DCHS1: variants seen among roughly 807,000 people sequenced by gnomAD.
The protein encoded by DCHS1 is dachsous cadherin-related 1.
DCHS1 carries 78 observed loss-of-function variants against 213.9 expected under a neutral mutation model. The observed-to-expected ratio is 0.36, with a 90% CI of 0.30 to 0.44. DCHS1 has a LOEUF of 0.44. Ranked by LOEUF, DCHS1 falls within the 20% of genes least tolerant of loss-of-function variation. The pLI, the probability that DCHS1 is intolerant of heterozygous loss-of-function variation, is 1.00. For synonymous variants in DCHS1, 1,828 were observed against 1,873.7 expected (o/e 0.98, Z 0.63); for missense variants, 3,946 against 4,395.9 (o/e 0.90, Z 2.89).
In DCHS1 at chr11:6,632,422, G is replaced by C. The variant is rs1855925083; in HGVS notation, c.3090C>G (p.Gly1030=). The C allele has an allele frequency of 5.0e-6, 8 of 1,611,320 alleles. No individual in the cohort carries two copies. In the East Asian group the frequency reaches 1.8e-4, roughly 36 times the overall value. ...LQVQAQAPDG[G]PITYHLAAEG... is the part of the protein sequence containing the mutation. ...CTGCTGCAAGGTGATAGGTGATAGG[G>C]CCCCCATCTGGTGCTTGGGCCTGCA... The change falls in exon 6 of 21, where the codon GGC becomes GGG. Residue 1030 remains glycine, a synonymous_variant. Coordinates refer to ENST00000299441, the MANE Select transcript of DCHS1 (RefSeq NM_003737.4). The surrounding 1 kb of genome is among the most constrained non-coding windows in gnomAD (Gnocchi z 5.9).
Position 6,625,313 on chromosome 11 carries a change from C to T in DCHS1, c.7031G>A (p.Arg2344His), listed in dbSNP as rs138811686. ...TGPLDFEQCD[R>H]YQLQLLAHDG... is the part of the protein sequence containing the mutation. ...ATGTGCCAGCAGCTGCAGCTGGTAG[C>T]GGTCACACTGCTCAAAGTCCAGGGG... The change falls in exon 19 of 21, where the codon CGC becomes CAC. Residue 2344 changes from arginine (R) to histidine (H), a missense_variant. Arg to His is a conservative substitution (Grantham distance 29). Around this residue, in one of 3 missense-constraint regions of DCHS1, gnomAD observed 3,384 missense variants for 3,780.1 expected, o/e 0.90. Transcript: ENST00000299441. The surrounding 1 kb of genome is among the most constrained non-coding windows in gnomAD (Gnocchi z 5.3). 9.9e-6 allele frequency: 16 copies of T among 1,613,694 alleles called. No homozygotes were observed. Among genetic ancestry groups the T allele is most frequent in the African/African-American group, 6.7e-5 (5 of 74,918 alleles).
rs947809433 is a variant in DCHS1 at position 6,641,834 on chromosome 11, A to G, written c.-120-101T>C. The G allele has an allele frequency of 6.4e-5, 69 of 1,074,496 alleles. No homozygotes were observed. The highest frequency in any genetic ancestry group is 6.3e-4 in the Middle Eastern group (2 of 3,188). The allele number at this position is 1,074,496 out of a possible 1,614,324, so 66.6% of individuals were successfully genotyped here. A position where few individuals can be genotyped will look rare whatever the true frequency, so the allele number is the denominator to read the frequency against. On this transcript the variant is annotated intron_variant, in intron 1 of 20. Transcript: ENST00000299441. This position sits in a 1 kb window ranked among gnomAD's most constrained non-coding sequence, Gnocchi z 7.1. ...CAACATTCAGATATGCTCAGCCCCC[A>G]GCAGGCCCTTGTGCTGCCTCACACT... is the stretch of plus-strand genomic sequence containing the variant.
chr11:6,649,827 G>C (rs1453808063), intron 1 of DCHS1, among the ~76,000 whole-genome samples: 1 of 152,172 alleles, frequency 6.6e-6, no homozygotes, highest in African/African-American at 2.4e-5. Flanking sequence ...TAGCAGAAAA[G>C]TTGGAGATGT....
chr11:6,653,562 G>A (rs1038720213), intron 1 of DCHS1, among the ~76,000 whole-genome samples: 4 of 152,218 alleles, frequency 2.6e-5, no homozygotes, highest in African/African-American at 9.7e-5. Context: ...TGTGAGGGAT[G>A]TGGGGTAATG....
Position 6,626,196 on chromosome 11 carries a change from G to A in DCHS1, c.6549C>T (p.Ser2183=), listed in dbSNP as rs1855799424. Residue 2183 remains serine, a synonymous_variant, in exon 16 of 21, where the codon TCC becomes TCT. Coordinates refer to ENST00000299441, the MANE Select transcript of DCHS1 (RefSeq NM_003737.4). This position sits in a 1 kb window ranked among gnomAD's most constrained non-coding sequence, Gnocchi z 5.2. ...RPHYVAFLPE[S]RPLEGPLLQV... ...GCAGCAGGGGCCCCTCCAAGGGCCG[G>A]GACTCAGGAAGGAAGGCCACATAAT... 6.2e-7 allele frequency: 1 copy of A among 1,610,020 alleles called. No homozygotes were observed. Among genetic ancestry groups the A allele is most frequent in the Admixed American group, 1.7e-5 (1 of 59,378 alleles).
chr11:6,640,132 C>T lies in DCHS1; in HGVS notation c.1482G>A (p.Arg494=), dbSNP rs1564868658. 3 of 1,613,528 alleles carry T rather than the reference C, an allele frequency of 1.9e-6. No individual in the cohort carries two copies. Among genetic ancestry groups the T allele is most frequent in the Non-Finnish European group, 2.5e-6 (3 of 1,179,746 alleles). Residue 494 remains arginine, a synonymous_variant, in exon 2 of 21, where the codon CGG becomes CGA. Transcript: ENST00000299441. The surrounding 1 kb of genome is among the most constrained non-coding windows in gnomAD (Gnocchi z 6.5). ...EVALPGSFVV[R]VTARDPDQGT... ...CTTGGTCAGGATCCCGAGCAGTCAC[C>T]CGCACTACAAAGCTGCCAGGCAGCG...
chr11:6,623,571 T>C lies in DCHS1; in HGVS notation c.8105A>G (p.His2702Arg). 1 of 1,613,544 alleles carries C rather than the reference T, an allele frequency of 6.2e-7. No homozygotes were observed. The highest frequency in any genetic ancestry group is 8.5e-7 in the Non-Finnish European group (1 of 1,179,768). ...VTIEVQDVND[H>R]GPAFPLNLLS... ...TAAGTTCAGTGGGAAGGCTGGGCCATGATCATTCACATCCTGGACCTCAAT... is the reference window on the plus strand; with the variant it reads ...TAAGTTCAGTGGGAAGGCTGGGCCACGATCATTCACATCCTGGACCTCAAT... The change falls in exon 21 of 21, where the codon CAT (histidine) becomes CGT (arginine). Residue 2702 changes from histidine to arginine, a missense_variant. Coordinates refer to ENST00000299441, the MANE Select transcript of DCHS1 (RefSeq NM_003737.4).
Position 6,626,625 on chromosome 11 carries a change from G to A in DCHS1, c.6291C>T (p.Gly2097=), listed in dbSNP as rs1564861334. The change falls in exon 15 of 21, where the codon GGC becomes GGT. Residue 2097 remains glycine, a synonymous_variant. Transcript: ENST00000299441. The surrounding 1 kb of genome is among the most constrained non-coding windows in gnomAD (Gnocchi z 5.2). The stretch of plus-strand genomic sequence containing the variant: ...TGCTGTAGGTGATGGGTCCATTTGT[G>A]CCTCCTGCATGGACGGCCCTGGGGG... ...IVSPRAVHAG[G]TNGPITYSIL... is the part of the protein sequence containing the mutation. 1 of 1,614,018 alleles carries A rather than the reference G, an allele frequency of 6.2e-7. No homozygotes were observed. The highest frequency in any genetic ancestry group is 2.2e-5 in the East Asian group (1 of 44,886).
intron 2 of DCHS1, among the ~76,000 whole-genome samples, chr11:6,637,199 G>A (rs1211022732): frequency 1.3e-5 from 2 of 152,080 alleles, no homozygotes; most frequent in Non-Finnish European, 2.9e-5. Context: ...CCTCTGATCT[G>A]TACTCTCCAC....
Position 6,622,969 on chromosome 11 carries a change from T to C in DCHS1, c.8707A>G (p.Ile2903Val). The C allele has an allele frequency of 1.3e-6, 2 of 1,574,906 alleles. No individual in the cohort carries two copies. The highest frequency in any genetic ancestry group is 1.7e-6 in the Non-Finnish European group (2 of 1,160,770). ...GAACCAGGCAGAGGCCCCCGTGCTA[T>C]CACCTCCAGCCTCAGCTCCCGTGGT... ...EAPRELRLEVIARGPLPGSRS... is the reference protein window; with the variant it reads ...EAPRELRLEVVARGPLPGSRS... The change falls in exon 21 of 21, where the codon ATA becomes GTA. Residue 2903 changes from isoleucine to valine, a missense_variant. Coordinates refer to ENST00000299441, the MANE Select transcript of DCHS1 (RefSeq NM_003737.4). The surrounding 1 kb of genome is among the most constrained non-coding windows in gnomAD (Gnocchi z 5.4).
Position 6,632,576 on chromosome 11 carries a change from G to C in DCHS1, c.2936C>G (p.Thr979Ser). The C allele has an allele frequency of 6.6e-7, 1 of 1,513,646 alleles. No homozygotes were observed. Among genetic ancestry groups the C allele is most frequent in the African/African-American group, 1.4e-5 (1 of 72,164 alleles). 93.8% of individuals were successfully genotyped at this position (1,513,646 alleles called of 1,614,324 possible). The change falls in exon 6 of 21, where the codon ACC (threonine) becomes AGC (serine). Residue 979 changes from threonine to serine, a missense_variant. Around this residue, in one of 3 missense-constraint regions of DCHS1, gnomAD observed 3,384 missense variants for 3,780.1 expected, o/e 0.90. Transcript: ENST00000299441. This position sits in a 1 kb window ranked among gnomAD's most constrained non-coding sequence, Gnocchi z 5.9. The stretch of plus-strand genomic sequence containing the variant: ...CACCACCCGTAGTCGAAAGTGGCTG[G>C]TGCGTGGTGGGGAGCCCCCATCCCG... ...EARDGGSPPR[T>S]SHFRLRVVVQ...
At chr11:6,633,348 G>C in intron 5 of DCHS1, 64 bp downstream of exon 5, 1 of 1,467,058 alleles carries the variant, frequency 6.8e-7, no homozygotes, top group Non-Finnish European at 9.2e-7. Flanking sequence ...TCTTCGGATG[G>C]TGCTGGAGGG....
chr11:6,623,998 G>T lies in DCHS1; in HGVS notation c.7678C>A (p.Leu2560Ile), dbSNP rs535256428. 4 of 1,612,648 alleles carry T rather than the reference G, an allele frequency of 2.5e-6. No individual in the cohort carries two copies. The highest frequency in any genetic ancestry group is 3.4e-6 in the Non-Finnish European group (4 of 1,178,992). The change falls in exon 21 of 21, where the codon CTA (leucine) becomes ATA (isoleucine). Residue 2560 changes from leucine (L) to isoleucine (I), a missense_variant. This residue lies in a region of DCHS1 where 3,384 missense variants were observed against 3,780.1 expected (regional missense o/e 0.90). Coordinates refer to ENST00000299441, the MANE Select transcript of DCHS1 (RefSeq NM_003737.4). ...ALGCLVLLEP[L>I]DFESLTQYNL... ...TACTGTGTCAGGCTTTCAAAGTCTAGAGGTTCAAGCAACACCAGGCAGCCC... is the reference window on the plus strand; with the variant it reads ...TACTGTGTCAGGCTTTCAAAGTCTATAGGTTCAAGCAACACCAGGCAGCCC...
At chr11:6,635,846 A>ACAGGGGCCACTGACTGGAAATGAG (rs1256568495) in intron 2 of DCHS1, among the ~76,000 whole-genome samples, 5 of 152,234 alleles carry the variant, frequency 3.3e-5, no homozygotes, top group Non-Finnish European at 7.3e-5. Context: ...CCCAAAAGGC[A>ACAGGGGCCACTGACTGGAAATGAG]CAGGGGCCAC....
intron 1 of DCHS1, among the ~76,000 whole-genome samples, chr11:6,644,672 T>C (rs949866717): frequency 2.0e-5 from 3 of 152,244 alleles, no homozygotes; most frequent in Admixed American, 2.0e-4. Context: ...AGTAGAGTTA[T>C]AGCAAGAGCA....
At position 6,641,112 on chromosome 11, in the gene DCHS1, G is replaced by A. The variant is rs776788765; in HGVS notation, c.502C>T (p.Arg168Cys). 1.7e-5 allele frequency: 28 copies of A among 1,613,908 alleles called. No individual in the cohort carries two copies. Among genetic ancestry groups the A allele is most frequent in the South Asian group, 2.2e-5 (2 of 91,086 alleles). The change falls in exon 2 of 21, where the codon CGT (arginine) becomes TGT (cysteine). Residue 168 changes from arginine (R) to cysteine (C), a missense_variant. Arg to Cys is a radical substitution (Grantham distance 180, BLOSUM62 -3). Around this residue, in one of 3 missense-constraint regions of DCHS1, gnomAD observed 3,384 missense variants for 3,780.1 expected, o/e 0.90. Transcript: ENST00000299441. This position sits in a 1 kb window ranked among gnomAD's most constrained non-coding sequence, Gnocchi z 7.1. ...CCCAGACGCCCAGCATCTGCATCACGAGCAGGCTCCAGTGGGTAGCGGGTG... is the reference window on the plus strand; with the variant it reads ...CCCAGACGCCCAGCATCTGCATCACAAGCAGGCTCCAGTGGGTAGCGGGTG... Reference protein sequence around the residue: ...FGTRYPLEPARDADAGRLGTQ... With the variant: ...FGTRYPLEPACDADAGRLGTQ...
At chr11:6,636,026 T>A (rs1488533186) in intron 2 of DCHS1, among the ~76,000 whole-genome samples, 2 of 152,120 alleles carry the variant, frequency 1.3e-5, no homozygotes, top group African/African-American at 4.8e-5. Flanking sequence ...ATAAACTTCA[T>A]CCCTCTTCTC....
chr11:6,624,601 G>A (rs1473458683), intron 20 of DCHS1, 129 bp downstream of exon 20: 7 of 1,414,548 alleles, frequency 4.9e-6, no homozygotes, highest in African/African-American at 4.3e-5. Context: ...TGAAGACAGA[G>A]GGGAGGAAAT....
chr11:6,628,793 C>T lies in DCHS1; in HGVS notation c.5199G>A (p.Thr1733=), dbSNP rs1410383313. ...AQDRGSPPQL[T]HVTVRVAVED... ...CCACAGCCACTCGAACAGTGACATG[C>T]GTTAACTGAGGAGGTGAGCCCCTGT... is the stretch of plus-strand genomic sequence containing the variant. The change falls in exon 13 of 21, where the codon ACG becomes ACA. Residue 1733 remains threonine (T), a synonymous_variant. Coordinates refer to ENST00000299441, the MANE Select transcript of DCHS1 (RefSeq NM_003737.4). This position sits in a 1 kb window ranked among gnomAD's most constrained non-coding sequence, Gnocchi z 4.3. The T allele has an allele frequency of 6.8e-6, 11 of 1,613,808 alleles. No homozygotes were observed. Among genetic ancestry groups the T allele is most frequent in the Admixed American group, 3.3e-5 (2 of 59,990 alleles).
Sources: allele counts gnomAD v4.1 joint callset (sites outside exome capture counted in the v4.1 genomes callset), GRCh38; gene constraint gnomAD v4.1.1; regional missense constraint gnomAD v4.1.1; non-coding constraint Gnocchi (gnomAD v3.1); transcripts MANE v1.5; gene names NCBI Gene and HGNC (gene_info 2026-07-23, HGNC 2026-07-21).